Variants in MEGF11 observed in about 807,000 individuals in gnomAD.
The protein encoded by MEGF11 is multiple epidermal growth factor-like domains protein 11.
In MEGF11, 126 loss-of-function variants were observed where a neutral mutation model predicts 146.6. The ratio of observed to expected loss-of-function variants is 0.86; its 90% CI spans 0.74 to 1.00. MEGF11 has a LOEUF of 1.00. MEGF11 is among the 50% of genes least tolerant of loss of function. The probability of loss-of-function intolerance (pLI) is 0.00; values close to 1 mark genes in which losing one functional copy is unlikely to be tolerated. For missense variants in MEGF11, 1,509 were observed against 1,521.2 expected, an observed-to-expected ratio of 0.99 and a Z score of 0.13; for synonymous variants, 532 against 583.4, an observed-to-expected ratio of 0.91 and a Z score of 1.27.
chr15:66,156,313 G>A (rs559455271), intron 1 of MEGF11, among the ~76,000 whole-genome samples: 2 of 152,184 alleles, frequency 1.3e-5, no homozygotes, highest in South Asian at 4.2e-4. Context: ...TGGTTCTACT[G>A]TACTCCATGG....
At chr15:66,004,611 C>T (rs554941771) in intron 5 of MEGF11, among the ~76,000 whole-genome samples, 235 of 152,184 alleles carry the variant, frequency 1.5e-3, no homozygotes, top group African/African-American at 5.2e-3. Flanking sequence ...CCTGCACTTA[C>T]GGAGATGCTG....
intron 5 of MEGF11, among the ~76,000 whole-genome samples, chr15:65,984,870 G>T (rs1250746192): frequency 6.6e-6 from 1 of 151,958 alleles, no homozygotes; most frequent in African/African-American, 2.4e-5. Flanking sequence ...CCGGGTTCAA[G>T]CAATTCTCCT....
intron 25 of MEGF11, chr15:65,898,335 AC>A (rs1478300888): frequency 5.8e-5 from 57 of 985,318 alleles, no homozygotes; most frequent in East Asian, 1.1e-4. Flanking sequence ...TAGGAGTCTT[AC>A]CAGTGAGCCC....
chr15:66,163,054 C>T (rs990119147), intron 1 of MEGF11, among the ~76,000 whole-genome samples: 11 of 152,086 alleles, frequency 7.2e-5, no homozygotes, highest in African/African-American at 2.7e-4. Context: ...CAAGATTCAA[C>T]CAAAGCCTAG....
intron 5 of MEGF11, among the ~76,000 whole-genome samples, chr15:66,063,688 T>A (rs2140425494): frequency 1.3e-5 from 2 of 152,328 alleles, no homozygotes; most frequent in Middle Eastern, 6.8e-3. Context: ...GAGCCTTTCT[T>A]GATTAACCCC....
chr15:66,179,263 G>A (rs1247081947), intron 1 of MEGF11, among the ~76,000 whole-genome samples: 1 of 152,186 alleles, frequency 6.6e-6, no homozygotes, highest in East Asian at 1.9e-4. Context: ...CTCCTGAGCA[G>A]CTGGGACTAC....
chr15:66,195,978 A>G (rs931197685), intron 1 of MEGF11, among the ~76,000 whole-genome samples: 4 of 152,210 alleles, frequency 2.6e-5, no homozygotes, highest in Non-Finnish European at 5.9e-5. Context: ...CAGGACGAGT[A>G]GGAGTTAACC....
At chr15:65,977,796 A>G (rs2081502237) in intron 7 of MEGF11, among the ~76,000 whole-genome samples, 1 of 151,924 alleles carries the variant, frequency 6.6e-6, no homozygotes, top group Non-Finnish European at 1.5e-5. Flanking sequence ...GCACACACAC[A>G]CTGCATCCAG....
At chr15:66,058,728 C>G (rs2084780395) in intron 5 of MEGF11, among the ~76,000 whole-genome samples, 1 of 152,160 alleles carries the variant, frequency 6.6e-6, no homozygotes. Flanking sequence ...TTCGGGGTGG[C>G]CCTATTCCAG....
intron 5 of MEGF11, among the ~76,000 whole-genome samples, chr15:65,992,450 TG>T (rs11355219): frequency 0.64 from 80,549 of 126,630 alleles, 25,103 homozygotes; most frequent in Admixed American, 0.72. Flanking sequence ...TGTGTGTGTG[TG>T]GGGGGGGGGG....
intron 10 of MEGF11, among the ~76,000 whole-genome samples, chr15:65,933,505 A>T (rs1596863094): frequency 1.3e-5 from 2 of 152,224 alleles, no homozygotes; most frequent in African/African-American, 4.8e-5. Flanking sequence ...GGATGCAAGA[A>T]GCCAAGCTCG....
At chr15:66,196,786 AG>A (rs2140073980) in intron 1 of MEGF11, among the ~76,000 whole-genome samples, 1 of 152,326 alleles carries the variant, frequency 6.6e-6, no homozygotes, top group Admixed American at 6.5e-5. Flanking sequence ...GAAATGGTTA[AG>A]GGGGAATGTG....
At chr15:66,146,624 G>C (rs1020860105) in intron 1 of MEGF11, among the ~76,000 whole-genome samples, 1 of 152,202 alleles carries the variant, frequency 6.6e-6, no homozygotes, top group Non-Finnish European at 1.5e-5. Flanking sequence ...TGGGGACCCC[G>C]CTGAGCACAG....
intron 1 of MEGF11, among the ~76,000 whole-genome samples, chr15:66,203,386 A>G (rs2091219748): frequency 6.6e-6 from 1 of 152,218 alleles, no homozygotes; most frequent in African/African-American, 2.4e-5. Flanking sequence ...GCATGAGTCA[A>G]TTTTTGTTCT....
chr15:65,920,577 A>T (rs541997096), intron 15 of MEGF11, among the ~76,000 whole-genome samples: 1 of 152,336 alleles, frequency 6.6e-6, no homozygotes, highest in East Asian at 1.9e-4. Context: ...TGCTAATATG[A>T]TCAATCTAAT....
intron 1 of MEGF11, among the ~76,000 whole-genome samples, chr15:66,178,583 C>G (rs1232732204): frequency 6.6e-6 from 1 of 152,318 alleles, no homozygotes; most frequent in South Asian, 2.1e-4. Flanking sequence ...AAATCCAGGA[C>G]CTAGGTAAGA....
In MEGF11 at chr15:66,108,969, G is replaced by A. The variant is rs115499528; in HGVS notation, c.301+10117C>T. Reference sequence around the variant, plus strand: ...AACCAAAGGCTTCCCTTCAGAGGCCGCCCGGTGCAGATGGCAGAGGCTTAA... The same window carrying A: ...AACCAAAGGCTTCCCTTCAGAGGCCACCCGGTGCAGATGGCAGAGGCTTAA... On this transcript the variant is annotated intron_variant, in intron 4 of 25. Transcript: ENST00000395614. 8.1e-3 allele frequency among the ~76,000 whole-genome samples: 1,240 copies of A among 152,294 alleles called. 22 individuals are homozygous for A. The highest frequency in any genetic ancestry group is 0.028 in the African/African-American group (1,170 of 41,540).
intron 1 of MEGF11, among the ~76,000 whole-genome samples, chr15:66,210,103 G>A (rs1025558715): frequency 6.6e-6 from 1 of 152,148 alleles, no homozygotes; most frequent in African/African-American, 2.4e-5. Flanking sequence ...TGGGGTTACA[G>A]GTGTGAGCTA....
At chr15:66,126,018 G>T (rs1187019684) in intron 2 of MEGF11, among the ~76,000 whole-genome samples, 1 of 152,224 alleles carries the variant, frequency 6.6e-6, no homozygotes, top group Non-Finnish European at 1.5e-5. Context: ...CTGGTTTCAT[G>T]GCTGGGTGGC....
Sources: gnomAD v4.1 joint callset for allele counts (sites outside exome capture counted in the v4.1 genomes callset) on GRCh38, gnomAD v4.1.1 for gene constraint, MANE v1.5 for transcripts, NCBI Gene and HGNC (gene_info 2026-07-23, HGNC 2026-07-21) for gene names.